Variants in NDUFA8 observed in about 807,000 individuals in gnomAD.
NDUFA8 encodes the protein NADH dehydrogenase [ubiquinone] 1 alpha subcomplex subunit 8.
NDUFA8 carries 16 observed loss-of-function variants against 20.9 expected under a neutral mutation model. That is an observed-to-expected ratio of 0.77 (90% CI 0.52 to 1.16). The LOEUF (loss-of-function observed/expected upper bound fraction) is 1.16. NDUFA8 is among the 50% of genes most tolerant of loss of function. The pLI, the probability that NDUFA8 is intolerant of heterozygous loss-of-function variation, is 0.00. For missense variants in NDUFA8, 202 were observed against 216.4 expected (o/e 0.93, Z 0.42); for synonymous variants, 70 against 76.1 (o/e 0.92, Z 0.41).
At chr9:122,136,271 G>A in the NDUFA8 span, among the ~76,000 whole-genome samples, 1 of 152,092 alleles carries the variant, frequency 6.6e-6, no homozygotes, top group Non-Finnish European at 1.5e-5. Flanking sequence ...GTCAGGAATG[G>A]TACACACATT....
intron 1 of NDUFA8, among the ~76,000 whole-genome samples, chr9:122,153,185 T>G (rs1345000646): frequency 2.6e-5 from 4 of 151,246 alleles, no homozygotes; most frequent in African/African-American, 9.7e-5. Context: ...GAGAATTGCT[T>G]GAACCCAGGA....
At chr9:122,156,758 A>AT (rs1306965609) in intron 1 of NDUFA8, among the ~76,000 whole-genome samples, 1 of 152,166 alleles carries the variant, frequency 6.6e-6, no homozygotes, top group Non-Finnish European at 1.5e-5. Flanking sequence ...CCTACCTCCA[A>AT]TATCTAATCC....
At chr9:122,144,057 G>A (rs749796853), downstream of NDUFA8, 18 of 1,451,624 alleles carry the variant, frequency 1.2e-5, no homozygotes, top group Admixed American at 1.1e-4. Context: ...AAATACAACC[G>A]TTTCCTTTAA....
At chr9:122,139,090 TA>T (rs1213728716), downstream of NDUFA8, among the ~76,000 whole-genome samples, 18 of 152,122 alleles carry the variant, frequency 1.2e-4, no homozygotes, top group Non-Finnish European at 2.9e-5. Context: ...GTGGAAGTAT[TA>T]TAGATAGGCT....
At chr9:122,159,271 G>T (rs1417954767) in intron 1 of NDUFA8, among the ~76,000 whole-genome samples, 1 of 152,132 alleles carries the variant, frequency 6.6e-6, no homozygotes, top group African/African-American at 2.4e-5. Context: ...AGCCCCTAGG[G>T]TTGTATACTC....
At chr9:122,149,391 G>C (rs1462495413) in intron 2 of NDUFA8, among the ~76,000 whole-genome samples, 1 of 152,202 alleles carries the variant, frequency 6.6e-6, no homozygotes, top group Non-Finnish European at 1.5e-5. Flanking sequence ...TTGGTAGAAA[G>C]CAACCATTTC....
At chr9:122,133,479 G>A in the NDUFA8 span, among the ~76,000 whole-genome samples, 3 of 152,214 alleles carry the variant, frequency 2.0e-5, no homozygotes, top group Non-Finnish European at 2.9e-5. Context: ...AATTAAAGGT[G>A]CAATCTCCTA....
At chr9:122,133,382 A>G in the NDUFA8 span, among the ~76,000 whole-genome samples, 2 of 152,164 alleles carry the variant, frequency 1.3e-5, no homozygotes, top group East Asian at 3.9e-4. Flanking sequence ...AGAGGCAAAG[A>G]GCCCTTCGAG....
chr9:122,143,713 C>A (rs1174339214), downstream of NDUFA8, among the ~76,000 whole-genome samples: 5 of 152,152 alleles, frequency 3.3e-5, no homozygotes, highest in Admixed American at 3.3e-4. Context: ...GCTAGGGGCC[C>A]CTCCCATTCC....
At position 122,148,267 on chromosome 9, in the gene NDUFA8, G is replaced by A. The variant is rs755337755; in HGVS notation, c.226C>T (p.Arg76Cys). The A allele has an allele frequency of 9.3e-6, 15 of 1,613,956 alleles. No homozygotes were observed. The East Asian group carries it at 1.3e-4, about 14-fold the overall frequency. Residue 76 changes from arginine (R) to cysteine (C), a missense_variant, in exon 3 of 4, where the codon CGT becomes TGT. Physicochemically the swap from Arg to Cys is radical, Grantham distance 180 (BLOSUM62 -3). Transcript: ENST00000373768. ...CALDFFRQIK[R>C]HCAEPFTEYW... Reference sequence around the variant, plus strand: ...TCTGTAAAAGGCTCTGCACAGTGACGTTTTATCTGCCTGGAAAAGAAAGCT... The same window carrying A: ...TCTGTAAAAGGCTCTGCACAGTGACATTTTATCTGCCTGGAAAAGAAAGCT...
At chr9:122,150,093 C>T (rs904289303) in intron 2 of NDUFA8, among the ~76,000 whole-genome samples, 1 of 152,076 alleles carries the variant, frequency 6.6e-6, no homozygotes, top group Non-Finnish European at 1.5e-5. Flanking sequence ...CAGAATCCAG[C>T]GCTGAGGACA....
chr9:122,143,564 G>A (rs1828851928), downstream of NDUFA8, among the ~76,000 whole-genome samples: 1 of 152,190 alleles, frequency 6.6e-6, no homozygotes, highest in Non-Finnish European at 1.5e-5. Flanking sequence ...TCCTGGCTTT[G>A]GAGCTGGAAG....
downstream of NDUFA8, among the ~76,000 whole-genome samples, chr9:122,139,800 T>C (rs1302071798): frequency 6.6e-6 from 1 of 152,210 alleles, no homozygotes; most frequent in Non-Finnish European, 1.5e-5. Context: ...TTCAAATGAT[T>C]GTCATGCCTC....
chr9:122,152,556 T>TA, intron 1 of NDUFA8, 148 bp from the exon 2 acceptor site: 2 of 149,892 alleles, frequency 1.3e-5, no homozygotes, highest in Non-Finnish European at 9.5e-6. Context: ...ATAATAATAA[T>TA]TTTTTTTTTT....
chr9:122,159,707 G>A lies in NDUFA8; in HGVS notation c.-30C>T, dbSNP rs372365267. The A allele has an allele frequency of 8.7e-6, 14 of 1,613,856 alleles. No homozygotes were observed. Among genetic ancestry groups the A allele is most frequent in the Admixed American group, 1.7e-5 (1 of 60,008 alleles). Reference sequence around the variant, plus strand: ...GCTGCAGCCCCGACCCCGACGAGAAGCCCTCAGCCGCGTCGCCCCCGTCTC... The same window carrying A: ...GCTGCAGCCCCGACCCCGACGAGAAACCCTCAGCCGCGTCGCCCCCGTCTC... On this transcript the variant is annotated 5_prime_UTR_variant, in exon 1 of 4. Transcript: ENST00000373768.
chr9:122,152,653 T>C (rs1829022468), intron 1 of NDUFA8, among the ~76,000 whole-genome samples: 1 of 151,276 alleles, frequency 6.6e-6, no homozygotes, highest in Non-Finnish European at 1.5e-5. Context: ...CCTCCGAGGC[T>C]CAAGCGATTC....
At chr9:122,156,615 A>G (rs1031528420) in intron 1 of NDUFA8, among the ~76,000 whole-genome samples, 2 of 152,230 alleles carry the variant, frequency 1.3e-5, no homozygotes, top group Non-Finnish European at 1.5e-5. Flanking sequence ...TGCTTTTTCA[A>G]TGGGGATGTG....
chr9:122,148,086 G>A, intron 3 of NDUFA8, 26 bp downstream of exon 3: 3 of 1,613,520 alleles, frequency 1.9e-6, no homozygotes, highest in Non-Finnish European at 2.5e-6. Flanking sequence ...ATCAGAAAGT[G>A]AGACCTCCAG....
the NDUFA8 span, among the ~76,000 whole-genome samples, chr9:122,134,103 C>T: frequency 6.6e-6 from 1 of 152,220 alleles, no homozygotes; most frequent in Non-Finnish European, 1.5e-5. Context: ...GAGGTGATAA[C>T]AGTAGTAGGG....
Sources: gnomAD v4.1 joint callset for allele counts (sites outside exome capture counted in the v4.1 genomes callset) on GRCh38, gnomAD v4.1.1 for gene constraint, MANE v1.5 for transcripts, NCBI Gene and HGNC (gene_info 2026-07-23, HGNC 2026-07-21) for gene names.